DNAH8: variants seen among roughly 807,000 people sequenced by gnomAD.
The protein encoded by DNAH8 is dynein axonemal heavy chain 8.
Under a neutral mutation model 562.1 loss-of-function variants are expected in DNAH8, and 382 were observed. The ratio of observed to expected loss-of-function variants is 0.68; its 90% confidence interval spans 0.63 to 0.74. The LOEUF is 0.74. Ranked by LOEUF, DNAH8 falls within the 30% of genes least tolerant of loss-of-function variation. The probability of loss-of-function intolerance (pLI) is 0.00; values close to 1 mark genes in which losing one functional copy is unlikely to be tolerated. For synonymous variants in DNAH8, 1,881 were observed against 1,919.4 expected, an observed-to-expected ratio of 0.98 and a Z score of 0.52; for missense variants, 5,203 against 5,620.4, an observed-to-expected ratio of 0.93 and a Z score of 2.37.
chr6:39,010,820 C>CACGTATGTAT lies in DNAH8; in HGVS notation c.13372-1395_13372-1394insACGTATGTAT, dbSNP rs1554163118. ...GTGTACGCACACACACACACACACA[C>CACGTATGTAT]GTATGTATGTATGTATGTATGTATG... On this transcript the variant is annotated intron_variant, in intron 89 of 92. Transcript: ENST00000327475. Among the ~76,000 whole-genome samples, 784 of 132,814 alleles carry CACGTATGTAT rather than the reference C, an allele frequency of 5.9e-3. 6 individuals carry two copies. The highest frequency in any genetic ancestry group is 0.02 in the African/African-American group (686 of 34,756). 87.1% of individuals were successfully genotyped at this position (132,814 alleles called of 152,430 possible). A position where few individuals can be genotyped will look rare whatever the true frequency, so the allele number is the denominator to read the frequency against.
intron 29 of DNAH8, 119 bp from the exon 30 acceptor site, chr6:38,828,065 A>G: frequency 2.9e-6 from 2 of 690,354 alleles, no homozygotes; most frequent in Non-Finnish European, 4.9e-6. Flanking sequence ...TTTGGAAACC[A>G]CTTTTCTAGA....
At position 38,962,174 on chromosome 6, in the gene DNAH8, C is replaced by T. The variant is rs115525874; in HGVS notation, c.12452-9418C>T. ...ATAAATGGAGAGGTAAGCCACATTC[C>T]CAGTATAGAGATTCAATGTTGTAAA... On this transcript the variant is annotated intron_variant, in intron 82 of 92. Transcript: ENST00000327475. 7.4e-3 allele frequency among the ~76,000 whole-genome samples: 1,120 copies of T among 151,874 alleles called. 16 individuals carry two copies. The highest frequency in any genetic ancestry group is 0.026 in the African/African-American group (1,060 of 41,462).
In DNAH8 at chr6:38,914,041, G is replaced by T. The variant is rs980228939; in HGVS notation, c.9963+89G>T. On this transcript the variant is annotated intron_variant, in intron 67 of 92. Transcript: ENST00000327475. Reference sequence around the variant, plus strand: ...AAAATGGTACTAAAGAACAAGCAGGGTATAAACCCATGGACAATTCCTGAT... The same window carrying T: ...AAAATGGTACTAAAGAACAAGCAGGTTATAAACCCATGGACAATTCCTGAT... 3.1e-6 allele frequency: 3 copies of T among 975,508 alleles called. No homozygotes were observed. In the South Asian group the frequency reaches 4.3e-5, roughly 14 times the overall value. 60.4% of individuals were successfully genotyped at this position (975,508 alleles called of 1,614,324 possible). A position where few individuals can be genotyped will look rare whatever the true frequency, so the allele number is the denominator to read the frequency against.
rs761068722 is a variant in DNAH8 at position 38,967,302 on chromosome 6, G to GA, written c.12452-4279dup. On this transcript the variant is annotated intron_variant, in intron 82 of 92. Transcript: ENST00000327475. ...AGATAGGGCAATCAGACCAGGCAAA[G>GA]AAAAAAAAAAACCATCTACATTGGA... 5.0e-3 allele frequency among the ~76,000 whole-genome samples: 702 copies of GA among 139,684 alleles called. 5 individuals carry two copies. The highest frequency in any genetic ancestry group is 0.016 in the African/African-American group (617 of 38,364). 91.6% of individuals were successfully genotyped at this position (139,684 alleles called of 152,430 possible).
chr6:38,852,623 T>G, intron 39 of DNAH8, 71 bp from the exon 40 acceptor site: 2 of 1,077,938 alleles, frequency 1.9e-6, no homozygotes, highest in South Asian at 2.9e-5. Context: ...TACAAAATAT[T>G]AAGGCTTTTA....
Position 38,890,710 on chromosome 6 carries a change from G to A in DNAH8, c.8532G>A (p.Glu2844=). The A allele has an allele frequency of 6.2e-7, 1 of 1,613,930 alleles. No homozygotes were observed. The highest frequency in any genetic ancestry group is 8.5e-7 in the Non-Finnish European group (1 of 1,179,814). Reference sequence around the variant, plus strand: ...GAAGTTTCAAGCCTCAAATATGTGAGATGATTGTGAATTTAGTCTCAGTGG... The same window carrying A: ...GAAGTTTCAAGCCTCAAATATGTGAAATGATTGTGAATTTAGTCTCAGTGG... The part of the protein sequence containing the change: ...PCRSFKPQIC[E]MIVNLVSVGR... The change falls in exon 58 of 93, where the codon GAG becomes GAA. Residue 2844 remains glutamate (E), a synonymous_variant. Coordinates refer to ENST00000327475, the MANE Select transcript of DNAH8 (RefSeq NM_001206927.2).
intron 73 of DNAH8, 66 bp from the exon 74 acceptor site, chr6:38,925,989 T>G (rs1782083776): frequency 7.2e-7 from 1 of 1,381,432 alleles, no homozygotes. Context: ...TTTACAGTAC[T>G]TTTAATTACT....
chr6:38,947,968 G>A (rs996131133), intron 80 of DNAH8, among the ~76,000 whole-genome samples: 15 of 151,976 alleles, frequency 9.9e-5, no homozygotes, highest in African/African-American at 3.6e-4. Context: ...AGCTGGTCGC[G>A]AACTCCTGAG....
chr6:38,971,760 G>T, intron 83 of DNAH8, 95 bp downstream of exon 83: 3 of 953,122 alleles, frequency 3.1e-6, no homozygotes, highest in Non-Finnish European at 3.0e-6. Flanking sequence ...CTCAATCCTG[G>T]TTTTTCCATT....
At chr6:39,016,088 CAGAT>C (rs1356903506) in intron 91 of DNAH8, among the ~76,000 whole-genome samples, 1 of 152,180 alleles carries the variant, frequency 6.6e-6, no homozygotes, top group Non-Finnish European at 1.5e-5. Flanking sequence ...AGTGTGCAAA[CAGAT>C]AGAGTCCTTT....
intron 15 of DNAH8, among the ~76,000 whole-genome samples, chr6:38,780,934 T>C (rs900811039): frequency 2.6e-5 from 4 of 152,212 alleles, no homozygotes; most frequent in Admixed American, 6.5e-5. Flanking sequence ...TATAGAAATA[T>C]GGGCTCTAGA....
intron 8 of DNAH8, among the ~76,000 whole-genome samples, chr6:38,748,314 A>G (rs1264733624): frequency 1.3e-5 from 2 of 152,206 alleles, no homozygotes; most frequent in African/African-American, 4.8e-5. Flanking sequence ...TAGCAAATCT[A>G]TGAATGACAT....
chr6:38,921,258 G>A, intron 70 of DNAH8, 111 bp from the exon 71 acceptor site: 1 of 1,246,814 alleles, frequency 8.0e-7, no homozygotes, highest in Non-Finnish European at 1.1e-6. Flanking sequence ...GGAAACAGAT[G>A]TGCTCGAAAG....
In DNAH8 at chr6:38,846,527, A is replaced by T. The variant is rs1422232185; in HGVS notation, c.5045+754A>T. On this transcript the variant is annotated intron_variant, in intron 36 of 92. Transcript: ENST00000327475. ...TGGTTAGTGAGTTGCATGCTGCATG[A>T]CCTCTGGCTCCAGGGGCAGTCTTGT... 2.0e-5 allele frequency among the ~76,000 whole-genome samples: 3 copies of T among 152,066 alleles called. No homozygotes were observed. The East Asian group carries it at 5.8e-4, about 29-fold the overall frequency.
intron 7 of DNAH8, among the ~76,000 whole-genome samples, chr6:38,739,574 A>G (rs1022452777): frequency 7.2e-5 from 11 of 152,188 alleles, no homozygotes; most frequent in Admixed American, 2.0e-4. Flanking sequence ...TGGGAGCCCA[A>G]GGCAAGAGGA....
At chr6:38,997,383 G>A (rs913487551) in intron 88 of DNAH8, among the ~76,000 whole-genome samples, 1 of 152,188 alleles carries the variant, frequency 6.6e-6, no homozygotes, top group South Asian at 2.1e-4. Context: ...CCCAGCTCCA[G>A]CAAGATGTAA....
intron 88 of DNAH8, among the ~76,000 whole-genome samples, chr6:39,001,075 T>C (rs765130608): frequency 6.6e-6 from 1 of 152,186 alleles, no homozygotes; most frequent in Non-Finnish European, 1.5e-5. Flanking sequence ...AGGTCCAGTA[T>C]GCCTAAAGCA....
At chr6:38,744,843 C>T (rs2127589933) in intron 8 of DNAH8, among the ~76,000 whole-genome samples, 1 of 152,286 alleles carries the variant, frequency 6.6e-6, no homozygotes, top group Admixed American at 6.5e-5. Flanking sequence ...AGGAATCCTC[C>T]TGCCTCACAC....
intron 3 of DNAH8, among the ~76,000 whole-genome samples, chr6:38,726,741 A>C (rs1763249740): frequency 1.3e-5 from 2 of 152,062 alleles, no homozygotes; most frequent in South Asian, 4.1e-4. Flanking sequence ...GATAGGTTGG[A>C]TCAAGGTTGG....
Sources: gnomAD v4.1 joint callset for allele counts (sites outside exome capture counted in the v4.1 genomes callset) on GRCh38, gnomAD v4.1.1 for gene constraint, MANE v1.5 for transcripts, NCBI Gene and HGNC (gene_info 2026-07-23, HGNC 2026-07-21) for gene names.